The following IRAK1BP1 variants were observed in gnomAD, a reference collection of about 807,000 sequenced individuals.
IRAK1BP1 encodes the protein interleukin 1 receptor associated kinase 1 binding protein 1.
A neutral mutation model predicts 28.0 loss-of-function variants in IRAK1BP1; 24 were observed. The observed-to-expected ratio is 0.86, with a 90% CI of 0.62 to 1.20. The LOEUF is 1.20. Ranked by LOEUF, IRAK1BP1 falls within the 50% of genes most tolerant of loss-of-function variation. IRAK1BP1 has a pLI of 0.00. For synonymous variants in IRAK1BP1, 131 were observed against 116.3 expected (o/e 1.13, Z -0.81); for missense variants, 336 against 316.7 (o/e 1.06, Z -0.46).
At chr6:78,882,770 A>G (rs1478708026) in intron 1 of IRAK1BP1, among the ~76,000 whole-genome samples, 1 of 152,210 alleles carries the variant, frequency 6.6e-6, no homozygotes, top group East Asian at 1.9e-4. Flanking sequence ...GACATTTAAT[A>G]GAAAAACTGG....
the IRAK1BP1 span, among the ~76,000 whole-genome samples, chr6:78,961,059 A>AT: frequency 4.6e-5 from 7 of 152,170 alleles, no homozygotes; most frequent in South Asian, 1.5e-3. Context: ...CTATAAACAT[A>AT]TTTTTTGACA....
intron 2 of IRAK1BP1, 135 bp downstream of exon 2, chr6:78,885,578 T>G (rs1445311034): frequency 4.0e-6 from 2 of 502,844 alleles, no homozygotes; most frequent in East Asian, 6.6e-5. Context: ...ATCATCTTGG[T>G]GTTATATATC....
the IRAK1BP1 span, among the ~76,000 whole-genome samples, chr6:78,977,521 A>T: frequency 6.9e-4 from 105 of 152,238 alleles, 1 homozygote; most frequent in South Asian, 8.5e-3. Flanking sequence ...AACTTAAATT[A>T]AAAAAATACC....
rs1328726694 is a variant in IRAK1BP1, at chr6:78,898,222, C to A, written c.671C>A (p.Ser224Ter). 2.5e-6 allele frequency: 4 copies of A among 1,613,476 alleles called. No homozygotes were observed. The highest frequency in any genetic ancestry group is 3.4e-6 in the Non-Finnish European group (4 of 1,179,850). Residue 224 changes from serine (S) to a stop codon, truncating the protein, a stop_gained, in exon 4 of 4, where the codon TCA (serine) becomes TAA (stop). Transcript: ENST00000369940. LOFTEE classifies it high-confidence loss of function. The part of the protein sequence containing the change: ...QIDDHQSSRL[S>*]SSLTVQQKIK... ...GATGATCACCAGTCATCCAGACTCT[C>A]AAGTTCATTAACTGTACAACAAAAA...
chr6:78,872,077 G>A, intron 1 of IRAK1BP1: 1 of 698,638 alleles, frequency 1.4e-6, no homozygotes, highest in Non-Finnish European at 2.6e-6. Context: ...GAATGACTGA[G>A]GGAAATGAAT....
intron 4 of IRAK1BP1, among the ~76,000 whole-genome samples, chr6:78,912,486 CATG>C (rs1465005183): frequency 6.6e-6 from 1 of 152,070 alleles, no homozygotes; most frequent in East Asian, 1.9e-4. Context: ...TAAGTAATAA[CATG>C]ATCAGAATTG....
rs370888320 is a variant in IRAK1BP1 at position 78,898,102 on chromosome 6, G to T, written c.551G>T (p.Arg184Leu). Reference protein sequence around the residue: ...ACLVAVENAWRKAQEVCNLVG... With the variant: ...ACLVAVENAWLKAQEVCNLVG... ...CTTGTTGCTGTTGAGAATGCGTGGC[G>T]CAAAGCTCAAGAAGTCTGTAACCTT... Residue 184 changes from arginine to leucine, a missense_variant, in exon 4 of 4, where the codon CGC (arginine) becomes CTC (leucine). Physicochemically the swap from Arg to Leu is moderately radical, Grantham distance 102. Transcript: ENST00000369940. The T allele has an allele frequency of 5.0e-6, 8 of 1,612,896 alleles. No homozygotes were observed. The highest frequency in any genetic ancestry group is 5.9e-6 in the Non-Finnish European group (7 of 1,179,550).
the IRAK1BP1 span, among the ~76,000 whole-genome samples, chr6:78,961,385 T>C: frequency 4.6e-5 from 7 of 152,168 alleles, no homozygotes; most frequent in Admixed American, 1.3e-4. Flanking sequence ...CTTTATAAAA[T>C]ACAATATAAA....
chr6:78,957,404 G>A, the IRAK1BP1 span: 1 of 151,786 alleles, frequency 6.6e-6, no homozygotes, highest in Non-Finnish European at 1.5e-5. Context: ...CAAACCATTG[G>A]AAAGCAATAG....
intron 4 of IRAK1BP1, among the ~76,000 whole-genome samples, chr6:78,932,662 A>C (rs1773091677): frequency 6.6e-6 from 1 of 151,656 alleles, no homozygotes; most frequent in Non-Finnish European, 1.5e-5. Flanking sequence ...CAGGTGATCC[A>C]CCCACCTTGG....
the IRAK1BP1 span, among the ~76,000 whole-genome samples, chr6:78,971,697 G>A: frequency 6.6e-6 from 1 of 152,154 alleles, no homozygotes; most frequent in African/African-American, 2.4e-5. Flanking sequence ...GAAGTAGGGT[G>A]AGGCATTGCC....
chr6:78,972,382 C>G, the IRAK1BP1 span, among the ~76,000 whole-genome samples: 1 of 152,172 alleles, frequency 6.6e-6, no homozygotes, highest in Non-Finnish European at 1.5e-5. Flanking sequence ...ATCTGTACAT[C>G]ACCATCATCA....
the IRAK1BP1 span, chr6:78,956,551 A>C: frequency 6.6e-6 from 1 of 152,144 alleles, no homozygotes; most frequent in African/African-American, 2.4e-5. Context: ...CTCAGAGCTT[A>C]TATTTTAGAT....
chr6:78,934,572 G>A (rs142020210), intron 4 of IRAK1BP1, among the ~76,000 whole-genome samples: 1 of 152,118 alleles, frequency 6.6e-6, no homozygotes, highest in Non-Finnish European at 1.5e-5. Flanking sequence ...GGTCATGGCC[G>A]CAAGACACAG....
At chr6:78,868,095 A>C (rs920424130) in intron 1 of IRAK1BP1, among the ~76,000 whole-genome samples, 1 of 152,228 alleles carries the variant, frequency 6.6e-6, no homozygotes, top group Non-Finnish European at 1.5e-5. Flanking sequence ...GAAGGTAATT[A>C]TTGGCCTCAG....
chr6:78,898,436 A>C lies in IRAK1BP1; in HGVS notation c.*102A>C. Reference sequence around the variant, plus strand: ...AATATATATATATATATATATATATATATATATATGGTATAGGAGATAAGC... The same window carrying C: ...AATATATATATATATATATATATATCTATATATATGGTATAGGAGATAAGC... On this transcript the variant is annotated 3_prime_UTR_variant, in exon 4 of 4. Coordinates refer to ENST00000369940, the MANE Select transcript of IRAK1BP1 (RefSeq NM_001010844.4). 1.2e-5 allele frequency: 2 copies of C among 167,684 alleles called. 1 individual carries two copies. Among genetic ancestry groups the C allele is most frequent in the East Asian group, 3.6e-4 (2 of 5,610 alleles). 10.4% of individuals were successfully genotyped at this position (167,684 alleles called of 1,614,324 possible).
At chr6:78,974,645 A>C in the IRAK1BP1 span, among the ~76,000 whole-genome samples, 1 of 152,214 alleles carries the variant, frequency 6.6e-6, no homozygotes, top group Non-Finnish European at 1.5e-5. Context: ...TAATAAAAGA[A>C]AAAAAGAAGA....
chr6:78,919,096 A>G (rs1009156671), intron 4 of IRAK1BP1, among the ~76,000 whole-genome samples: 4 of 152,244 alleles, frequency 2.6e-5, no homozygotes, highest in Non-Finnish European at 5.9e-5. Flanking sequence ...TTGTTCTTAG[A>G]CTTTCAAGTA....
chr6:78,946,630 G>A, downstream of IRAK1BP1: 3 of 1,468,102 alleles, frequency 2.0e-6, no homozygotes, highest in Non-Finnish European at 2.7e-6. Context: ...GAATAGTAAA[G>A]GAAGTATTAA....
Sources: allele counts gnomAD v4.1 joint callset (sites outside exome capture counted in the v4.1 genomes callset), GRCh38; gene constraint gnomAD v4.1.1; transcripts MANE v1.5; gene names NCBI Gene and HGNC (gene_info 2026-07-23, HGNC 2026-07-21).